Variants in ADGRB3 observed in about 807,000 individuals in gnomAD.
The protein encoded by ADGRB3 is brain-specific angiogenesis inhibitor 3.
Under a neutral mutation model 193.4 loss-of-function variants are expected in ADGRB3, and 37 were observed. The ratio of observed to expected loss-of-function variants is 0.19; its 90% CI spans 0.15 to 0.25. ADGRB3 has a LOEUF of 0.25. ADGRB3 is among the 10% of genes least tolerant of loss of function. The pLI, the probability that ADGRB3 is intolerant of heterozygous loss-of-function variation, is 1.00. For missense variants in ADGRB3, 1,637 were observed against 1,852.9 expected, an observed-to-expected ratio of 0.88 and a Z score of 2.14; for synonymous variants, 690 against 644.2, an observed-to-expected ratio of 1.07 and a Z score of -1.08.
chr6:69,325,041 C>A lies in ADGRB3; in HGVS notation c.2965+19C>A, dbSNP rs111871839. The A allele has an allele frequency of 1.9e-6, 3 of 1,601,326 alleles. No individual in the cohort carries two copies. The highest frequency in any genetic ancestry group is 2.6e-6 in the Non-Finnish European group (3 of 1,173,308). ...GGATGGGGTAAGCATATTGATATAC[C>A]GTTTCATGCTCTTCTCAAAATGACG... On this transcript the variant is annotated intron_variant, in intron 21 of 31. Coordinates refer to ENST00000370598, the MANE Select transcript of ADGRB3 (RefSeq NM_001704.3).
Position 69,361,162 on chromosome 6 carries a change from G to C in ADGRB3, c.3889G>C (p.Val1297Leu). The C allele has an allele frequency of 6.2e-7, 1 of 1,612,808 alleles. No homozygotes were observed. The highest frequency in any genetic ancestry group is 1.1e-5 in the South Asian group (1 of 91,064). The change falls in exon 29 of 32, where the codon GTC (valine) becomes CTC (leucine). Residue 1297 changes from valine to leucine, a missense_variant. Transcript: ENST00000370598. ...TTTGAGAGGGGCTGACATGGACATA[G>C]TCCATCCTCAAGAAAGAATGATGGA... ...DNLRGADMDI[V>L]HPQERMMESD...
rs190415002 is a variant in ADGRB3, at chr6:68,647,945, A to G, written c.757+8513A>G. Among the ~76,000 whole-genome samples the G allele has an allele frequency of 3.1e-3, 471 of 152,270 alleles. 1 individual carries two copies. Among genetic ancestry groups the G allele is most frequent in the Non-Finnish European group, 4.0e-3 (275 of 67,994 alleles). ...CCCCACAATGCTTACATAATTAGAT[A>G]CTAAAAAAAATCAAAAATGGTTAGC... is the stretch of plus-strand genomic sequence containing the variant. On this transcript the variant is annotated intron_variant, in intron 3 of 31. Coordinates refer to ENST00000370598, the MANE Select transcript of ADGRB3 (RefSeq NM_001704.3).
At chr6:68,637,303 G>T (rs755242346) in intron 1 of ADGRB3, 88 bp from the exon 2 acceptor site, 2 of 152,584 alleles carry the variant, frequency 1.3e-5, no homozygotes, top group Admixed American at 1.3e-4. Flanking sequence ...AAGGAAGAGG[G>T]TTTTATCCTT....
At chr6:69,131,604 A>G (rs1774011367) in intron 17 of ADGRB3, among the ~76,000 whole-genome samples, 1 of 152,054 alleles carries the variant, frequency 6.6e-6, no homozygotes, top group African/African-American at 2.4e-5. Context: ...TTTTATAACA[A>G]GTACATTTTA....
intron 3 of ADGRB3, among the ~76,000 whole-genome samples, chr6:68,801,457 G>A (rs187776588): frequency 1.3e-3 from 191 of 152,248 alleles, no homozygotes; most frequent in Middle Eastern, 3.4e-3. Context: ...GGAGGCCGAG[G>A]TGGGCAGATC....
At chr6:68,745,877 C>T (rs1257623256) in intron 3 of ADGRB3, among the ~76,000 whole-genome samples, 2 of 152,016 alleles carry the variant, frequency 1.3e-5, no homozygotes, top group East Asian at 3.9e-4. Context: ...TCCATGTCTC[C>T]TTATTGCGAT....
chr6:69,152,702 C>T (rs1225799540), intron 17 of ADGRB3, among the ~76,000 whole-genome samples: 1 of 152,078 alleles, frequency 6.6e-6, no homozygotes, highest in Non-Finnish European at 1.5e-5. Context: ...AAAAGTTGAT[C>T]CATCACAAAG....
At chr6:68,752,738 T>C (rs1360881915) in intron 3 of ADGRB3, among the ~76,000 whole-genome samples, 2 of 152,208 alleles carry the variant, frequency 1.3e-5, no homozygotes, top group African/African-American at 4.8e-5. Flanking sequence ...GGCAATGTTG[T>C]AAATTCTTGC....
At chr6:69,374,961 C>G (rs1769783144) in intron 30 of ADGRB3, among the ~76,000 whole-genome samples, 1 of 151,906 alleles carries the variant, frequency 6.6e-6, no homozygotes, top group Non-Finnish European at 1.5e-5. Flanking sequence ...AGATATAACT[C>G]AAGGAGATAG....
intron 3 of ADGRB3, among the ~76,000 whole-genome samples, chr6:68,753,221 C>T (rs1766235844): frequency 6.6e-6 from 1 of 152,082 alleles, no homozygotes; most frequent in Non-Finnish European, 1.5e-5. Flanking sequence ...ACTTAACTTG[C>T]CAAGTAAGTG....
chr6:68,710,962 GGGGAAATGTTCCCTTTAAAA>G (rs906325295), intron 3 of ADGRB3, among the ~76,000 whole-genome samples: 1 of 151,988 alleles, frequency 6.6e-6, no homozygotes, highest in Non-Finnish European at 1.5e-5. Context: ...AGACTTTGGT[GGGGAAATGTTCCCTTTAAAA>G]GGGAAAAACT....
At chr6:69,239,099 G>T (rs766628184) in intron 19 of ADGRB3, 25 bp from the exon 20 acceptor site, 4 of 1,384,132 alleles carry the variant, frequency 2.9e-6, no homozygotes, top group Non-Finnish European at 4.1e-6. Context: ...TTTTAAAGTT[G>T]GGTAACTTTT....
chr6:68,897,566 GAAAC>G (rs1420741031), intron 3 of ADGRB3, among the ~76,000 whole-genome samples: 1 of 38,060 alleles, frequency 2.6e-5, no homozygotes, highest in Non-Finnish European at 5.2e-5. Flanking sequence ...GAAAGAAAGA[GAAAC>G]AAGAAAGAAG....
At chr6:69,126,469 C>A (rs919976458) in intron 17 of ADGRB3, among the ~76,000 whole-genome samples, 5 of 152,142 alleles carry the variant, frequency 3.3e-5, no homozygotes, top group South Asian at 2.1e-4. Context: ...ATGAACCTGG[C>A]AGGCTGCTGT....
intron 17 of ADGRB3, among the ~76,000 whole-genome samples, chr6:69,117,101 A>G (rs1021410856): frequency 6.6e-6 from 1 of 152,260 alleles, no homozygotes; most frequent in Non-Finnish European, 1.5e-5. Flanking sequence ...ACAAAAAAGT[A>G]TCTGTACTGC....
At chr6:69,002,013 T>G (rs537988448) in intron 11 of ADGRB3, among the ~76,000 whole-genome samples, 1 of 152,190 alleles carries the variant, frequency 6.6e-6, no homozygotes, top group African/African-American at 2.4e-5. Flanking sequence ...TTACTCAACA[T>G]TGGAAAGCTA....
intron 3 of ADGRB3, among the ~76,000 whole-genome samples, chr6:68,911,575 G>A (rs763320661): frequency 1.3e-5 from 2 of 152,112 alleles, no homozygotes; most frequent in Non-Finnish European, 2.9e-5. Context: ...GAGAAAGAGA[G>A]GTTTAACAAT....
chr6:68,988,829 C>G (rs1263464448), intron 10 of ADGRB3, among the ~76,000 whole-genome samples: 1 of 152,078 alleles, frequency 6.6e-6, no homozygotes, highest in African/African-American at 2.4e-5. Flanking sequence ...GTAGAAAAAC[C>G]CTATGCATTC....
chr6:69,342,431 T>C (rs1768995854), intron 26 of ADGRB3, among the ~76,000 whole-genome samples: 1 of 152,164 alleles, frequency 6.6e-6, no homozygotes, highest in South Asian at 2.1e-4. Flanking sequence ...GCAAGTCTGC[T>C]TCAGAATTCC....
Sources: gnomAD v4.1 joint callset for allele counts (sites outside exome capture counted in the v4.1 genomes callset) on GRCh38, gnomAD v4.1.1 for gene constraint, MANE v1.5 for transcripts, NCBI Gene and HGNC (gene_info 2026-07-23, HGNC 2026-07-21) for gene names.